Variants in KDM4C observed in about 807,000 individuals in gnomAD.
KDM4C encodes the protein lysine-specific demethylase 4C.
KDM4C carries 81 observed loss-of-function variants against 129.3 expected under a neutral mutation model. That is an observed-to-expected ratio of 0.63 (90% CI 0.52 to 0.75). KDM4C has a LOEUF of 0.75. Among genes scored for constraint, KDM4C ranks in the 30% least tolerant of loss-of-function variants. KDM4C has a pLI of 0.00. For synonymous variants in KDM4C, 573 were observed against 456.1 expected (o/e 1.26, Z -3.26); for missense variants, 1,457 against 1,304.0 (o/e 1.12, Z -1.81).
At chr9:6,999,025 C>T (rs1037578803) in intron 12 of KDM4C, among the ~76,000 whole-genome samples, 1 of 152,108 alleles carries the variant, frequency 6.6e-6, no homozygotes, top group African/African-American at 2.4e-5. Flanking sequence ...GGTACTTTTA[C>T]TACACAAGCT....
chr9:7,046,260 C>A (rs984256322), intron 15 of KDM4C, among the ~76,000 whole-genome samples: 6 of 151,860 alleles, frequency 4.0e-5, no homozygotes, highest in African/African-American at 1.4e-4. Context: ...AAGGATAAAG[C>A]AAAACGTTTC....
At chr9:6,798,834 C>T (rs1466187177) in intron 2 of KDM4C, among the ~76,000 whole-genome samples, 1 of 152,188 alleles carries the variant, frequency 6.6e-6, no homozygotes, top group African/African-American at 2.4e-5. Context: ...AGGCGCCCCT[C>T]ACTTCTCAGA....
intron 10 of KDM4C, among the ~76,000 whole-genome samples, chr9:6,984,946 A>T (rs1817429537): frequency 7.0e-6 from 1 of 143,430 alleles, no homozygotes; most frequent in Non-Finnish European, 1.6e-5. Context: ...TATTTTTCTG[A>T]AACTGCTTTA....
intron 8 of KDM4C, among the ~76,000 whole-genome samples, chr9:6,955,148 C>T (rs1300239784): frequency 2.6e-5 from 4 of 152,192 alleles, no homozygotes; most frequent in African/African-American, 9.7e-5. Flanking sequence ...GGCTTCCAGA[C>T]TAGAGCCAAG....
intron 1 of KDM4C, chr9:6,749,091 C>T (rs1218313728): frequency 1.1e-5 from 5 of 457,592 alleles, no homozygotes; most frequent in Non-Finnish European, 2.1e-5. Flanking sequence ...GCGATCTCGC[C>T]TTCCTGCAAC....
chr9:7,067,011 A>G (rs1024301693), intron 17 of KDM4C, among the ~76,000 whole-genome samples: 3 of 152,234 alleles, frequency 2.0e-5, no homozygotes, highest in African/African-American at 4.8e-5. Context: ...GGAAACAACA[A>G]GGAAATTTAT....
At chr9:6,774,006 G>A (rs1004994273) in intron 1 of KDM4C, among the ~76,000 whole-genome samples, 1 of 151,862 alleles carries the variant, frequency 6.6e-6, no homozygotes, top group African/African-American at 2.4e-5. Flanking sequence ...TCCTTTCTCA[G>A]CCTCTTGAGT....
Position 6,838,226 on chromosome 9 carries a change from C to T in KDM4C, c.436-11281C>T, listed in dbSNP as rs142815182. On this transcript the variant is annotated intron_variant, in intron 4 of 21. Transcript: ENST00000381309. Reference sequence around the variant, plus strand: ...TCTTTAAACATTTCTTATTCCTTGACGACAGAATAAGACAACTCAATATTA... The same window carrying T: ...TCTTTAAACATTTCTTATTCCTTGATGACAGAATAAGACAACTCAATATTA... 1.9e-3 allele frequency among the ~76,000 whole-genome samples: 292 copies of T among 152,234 alleles called. 1 individual carries two copies. The highest frequency in any genetic ancestry group is 6.5e-3 in the African/African-American group (268 of 41,544).
At chr9:6,980,901 C>T (rs748692246) in intron 8 of KDM4C, 24 bp from the exon 9 acceptor site, 2 of 1,610,418 alleles carry the variant, frequency 1.2e-6, no homozygotes, top group African/African-American at 1.3e-5. Context: ...ACGTTTAACA[C>T]TCTCCAACCC....
intron 8 of KDM4C, among the ~76,000 whole-genome samples, chr9:6,961,447 GA>G (rs1830035336): frequency 6.6e-6 from 1 of 152,166 alleles, no homozygotes; most frequent in Non-Finnish European, 1.5e-5. Context: ...TCTGAACAGA[GA>G]TAGTCGTGGT....
chr9:7,033,595 G>A (rs1193891597), intron 15 of KDM4C, among the ~76,000 whole-genome samples: 1 of 152,154 alleles, frequency 6.6e-6, no homozygotes, highest in East Asian at 1.9e-4. Context: ...ACTGCTGAGT[G>A]GCTAAAAAGT....
At chr9:6,917,379 T>C (rs1037880345) in intron 8 of KDM4C, among the ~76,000 whole-genome samples, 1 of 152,200 alleles carries the variant, frequency 6.6e-6, no homozygotes, top group Admixed American at 6.5e-5. Context: ...TCATGGTTGC[T>C]CACTCACCTC....
chr9:6,808,075 A>G (rs1290088595), intron 3 of KDM4C, among the ~76,000 whole-genome samples: 20 of 64,020 alleles, frequency 3.1e-4, no homozygotes, highest in East Asian at 1.2e-3. Context: ...CTGGGAAGTG[A>G]GGAGCCCCTC....
At chr9:6,874,474 T>C (rs952159316) in intron 5 of KDM4C, among the ~76,000 whole-genome samples, 5 of 152,212 alleles carry the variant, frequency 3.3e-5, no homozygotes, top group African/African-American at 1.2e-4. Context: ...TTTTCAAAAC[T>C]TGTTTAGATA....
chr9:7,082,868 T>C (rs1338401647), intron 17 of KDM4C, among the ~76,000 whole-genome samples: 1 of 152,156 alleles, frequency 6.6e-6, no homozygotes, highest in Non-Finnish European at 1.5e-5. Flanking sequence ...AAAAAAAAAT[T>C]GTCAGATTTA....
intron 15 of KDM4C, among the ~76,000 whole-genome samples, chr9:7,021,713 C>T (rs555688291): frequency 3.9e-5 from 6 of 152,246 alleles, no homozygotes; most frequent in African/African-American, 1.4e-4. Flanking sequence ...TGGGGTATTA[C>T]TCAAGAAATT....
At chr9:6,726,171 G>C (rs1330799075) in intron 1 of KDM4C, among the ~76,000 whole-genome samples, 1 of 152,078 alleles carries the variant, frequency 6.6e-6, no homozygotes. Context: ...CAATCCGCCT[G>C]CCTCAGCCTC....
chr9:6,743,834 T>A (rs1011167173), intron 1 of KDM4C, among the ~76,000 whole-genome samples: 2 of 152,054 alleles, frequency 1.3e-5, no homozygotes, highest in Non-Finnish European at 2.9e-5. Context: ...ATATGGAATC[T>A]GCAGCTAGTC....
At chr9:7,120,915 A>G (rs1405836601) in intron 18 of KDM4C, among the ~76,000 whole-genome samples, 3 of 152,154 alleles carry the variant, frequency 2.0e-5, no homozygotes, top group African/African-American at 7.2e-5. Context: ...ATATTTAAGG[A>G]ATTTTTAAAA....
Sources: gnomAD v4.1 joint callset for allele counts (sites outside exome capture counted in the v4.1 genomes callset) on GRCh38, gnomAD v4.1.1 for gene constraint, MANE v1.5 for transcripts, NCBI Gene and HGNC (gene_info 2026-07-23, HGNC 2026-07-21) for gene names.